Variants in BARD1 observed in about 807,000 individuals in gnomAD.
BARD1 encodes BRCA1-associated RING domain protein 1.
Under a neutral mutation model 77.0 loss-of-function variants are expected in BARD1, and 73 were observed. That is an observed-to-expected ratio of 0.95 (90% CI 0.79 to 1.15). The LOEUF (loss-of-function observed/expected upper bound fraction) is 1.15. BARD1 is among the 50% of genes most tolerant of loss of function. BARD1 has a pLI of 0.00. For synonymous variants in BARD1, 384 were observed against 338.0 expected (o/e 1.14, Z -1.49); for missense variants, 993 against 938.8 (o/e 1.06, Z -0.75).
intron 3 of BARD1, 125 bp downstream of exon 3, chr2:214,792,172 A>G: frequency 1.1e-6 from 1 of 942,484 alleles, no homozygotes; most frequent in Non-Finnish European, 1.5e-6. Flanking sequence ...AAAAAAACCT[A>G]CAGATTTTAA....
chr2:214,804,125 C>T (rs1421977540), intron 1 of BARD1, among the ~76,000 whole-genome samples: 1 of 152,184 alleles, frequency 6.6e-6, no homozygotes, highest in South Asian at 2.1e-4. Flanking sequence ...TGTGGACCAA[C>T]ATGTTGAACA....
Position 214,750,949 on chromosome 2 carries a change from T to C in BARD1, c.1677+1498A>G, listed in dbSNP as rs1266721012. Among the ~76,000 whole-genome samples the C allele has an allele frequency of 2.0e-5, 3 of 151,532 alleles. No homozygotes were observed. In the East Asian group the frequency reaches 5.8e-4, roughly 29 times the overall value. On this transcript the variant is annotated intron_variant, in intron 7 of 10. Coordinates refer to ENST00000260947, the MANE Select transcript of BARD1 (RefSeq NM_000465.4). ...CTATCCTGCATTGGGATTAATTCTA[T>C]ATAAAGTAATAAATTGTCTTCAAGC... is the stretch of plus-strand genomic sequence containing the variant.
At chr2:214,731,892 T>A (rs1692372547) in intron 9 of BARD1, among the ~76,000 whole-genome samples, 1 of 152,196 alleles carries the variant, frequency 6.6e-6, no homozygotes, top group African/African-American at 2.4e-5. Flanking sequence ...CAAAAGTTTT[T>A]AAAAATTCAC....
At chr2:214,752,650 T>C in intron 6 of BARD1, 95 bp from the exon 7 acceptor site, 1 of 901,000 alleles carries the variant, frequency 1.1e-6, no homozygotes, top group Non-Finnish European at 1.8e-6. Context: ...TTAACTAAAA[T>C]AAATTACTCA....
chr2:214,748,368 C>CA (rs1559389695), intron 7 of BARD1, among the ~76,000 whole-genome samples: 1 of 151,796 alleles, frequency 6.6e-6, no homozygotes, highest in African/African-American at 2.4e-5. Context: ...AAAAGAGGTA[C>CA]AAAAAACACC....
intron 4 of BARD1, among the ~76,000 whole-genome samples, chr2:214,775,472 T>C (rs999692664): frequency 1.3e-5 from 2 of 152,178 alleles, no homozygotes; most frequent in Non-Finnish European, 2.9e-5. Context: ...CCAAAGCAAT[T>C]ACAATAGTTA....
chr2:214,742,048 G>A (rs1431150231), intron 9 of BARD1, among the ~76,000 whole-genome samples: 2 of 152,274 alleles, frequency 1.3e-5, no homozygotes, highest in Non-Finnish European at 2.9e-5. Context: ...AAGTTAATAT[G>A]AAAGTTTCCT....
At position 214,809,490 on chromosome 2, in the gene BARD1, T is replaced by G. The variant is rs989352819; in HGVS notation, c.80A>C (p.Glu27Ala). The change falls in exon 1 of 11, where the codon GAA (glutamate) becomes GCA (alanine). Residue 27 changes from glutamate to alanine, a missense_variant. Transcript: ENST00000260947. ...GGCCCAGGCACCGCGACCATCCGGT[T>G]CCATGGCGGGCGCGGAACGAGGCTC... ...GNEPRSAPAMEPDGRGAWAHS... is the reference protein window; with the variant it reads ...GNEPRSAPAMAPDGRGAWAHS... 1 of 1,608,372 alleles carries G rather than the reference T, an allele frequency of 6.2e-7. No individual in the cohort carries two copies. The highest frequency in any genetic ancestry group is 8.5e-7 in the Non-Finnish European group (1 of 1,178,370).
chr2:214,752,883 T>C (rs1219639442), intron 6 of BARD1, among the ~76,000 whole-genome samples: 2 of 152,138 alleles, frequency 1.3e-5, no homozygotes, highest in African/African-American at 2.4e-5. Flanking sequence ...ATAAAAATCA[T>C]TTACTATAGC....
rs1692097941 is a variant in BARD1, at chr2:214,726,699, T to G, written c.*1977A>C. On this transcript the variant is annotated 3_prime_UTR_variant, in exon 11 of 11. Coordinates refer to ENST00000260947, the MANE Select transcript of BARD1 (RefSeq NM_000465.4). ...GAAGCTTGAATCTATGATTGAAAAA[T>G]AAAAAATAATTACATGTATATCTAC... The G allele has an allele frequency of 8.8e-6, 2 of 227,398 alleles. No individual in the cohort carries two copies. Among genetic ancestry groups the G allele is most frequent in the Non-Finnish European group, 1.7e-5 (2 of 115,162 alleles). The allele number at this position is 227,398 out of a possible 1,614,324, so 14.1% of individuals were successfully genotyped here.
chr2:214,774,202 T>C (rs77041238), intron 4 of BARD1, among the ~76,000 whole-genome samples: 4,476 of 152,280 alleles, frequency 0.029, 94 homozygotes, highest in South Asian at 0.077. Context: ...AAGTCATCCA[T>C]GAAAACTGTA....
Position 214,728,473 on chromosome 2 carries a change from C to T in BARD1, c.*203G>A, listed in dbSNP as rs1325717142. On this transcript the variant is annotated 3_prime_UTR_variant, in exon 11 of 11. Coordinates refer to ENST00000260947, the MANE Select transcript of BARD1 (RefSeq NM_000465.4). ...AACATGCCAATTTTAAAAAGAAAAACCTTTAAAAGCAATCCCAGCTTCTAA... is the reference window on the plus strand; with the variant it reads ...AACATGCCAATTTTAAAAAGAAAAATCTTTAAAAGCAATCCCAGCTTCTAA... 9 of 592,808 alleles carry T rather than the reference C, an allele frequency of 1.5e-5. No individual in the cohort carries two copies. The highest frequency in any genetic ancestry group is 2.0e-5 in the Non-Finnish European group (7 of 342,872). 36.7% of individuals were successfully genotyped at this position (592,808 alleles called of 1,614,324 possible).
At chr2:214,761,517 A>T (rs1036546045) in intron 6 of BARD1, among the ~76,000 whole-genome samples, 1 of 152,162 alleles carries the variant, frequency 6.6e-6, no homozygotes, top group Non-Finnish European at 1.5e-5. Context: ...TAATATTTTT[A>T]AATGTATTAA....
Position 214,725,811 on chromosome 2 carries a change from T to G in BARD1, c.*2865A>C, listed in dbSNP as rs1260421855. ...CAAGCATTAGTTCCTACCATTTTAA[T>G]GTGTTCAGGGTAGGAAACAGAATAG... On this transcript the variant is annotated 3_prime_UTR_variant, in exon 11 of 11. Transcript: ENST00000260947. The G allele has an allele frequency of 4.5e-6, 1 of 221,858 alleles. No homozygotes were observed. The highest frequency in any genetic ancestry group is 2.2e-5 in the African/African-American group (1 of 44,796). 13.7% of individuals were successfully genotyped at this position (221,858 alleles called of 1,614,324 possible). A position where few individuals can be genotyped will look rare whatever the true frequency, so the allele number is the denominator to read the frequency against.
At chr2:214,786,414 C>A (rs1695280571) in intron 3 of BARD1, among the ~76,000 whole-genome samples, 1 of 151,844 alleles carries the variant, frequency 6.6e-6, no homozygotes, top group South Asian at 2.1e-4. Flanking sequence ...TATTAATACA[C>A]CAGAAGATTG....
chr2:214,757,689 C>T (rs1028557601), intron 6 of BARD1, among the ~76,000 whole-genome samples: 10 of 152,208 alleles, frequency 6.6e-5, no homozygotes, highest in Admixed American at 1.3e-4. Flanking sequence ...AGTCATCATT[C>T]AGCAAATACT....
At chr2:214,796,813 C>T (rs1695773719) in intron 2 of BARD1, 1 of 483,982 alleles carries the variant, frequency 2.1e-6, no homozygotes, top group Non-Finnish European at 3.7e-6. Flanking sequence ...AATTTTTTTC[C>T]TCCAATTTGG....
At position 214,725,943 on chromosome 2, in the gene BARD1, G is replaced by A; in HGVS notation, c.*2733C>T. On this transcript the variant is annotated 3_prime_UTR_variant, in exon 11 of 11. Coordinates refer to ENST00000260947, the MANE Select transcript of BARD1 (RefSeq NM_000465.4). ...AGCTAATGTGGCCCCACTCTCACCTGTGAATCGTCTTATTCCCACAGGAAA... is the reference window on the plus strand; with the variant it reads ...AGCTAATGTGGCCCCACTCTCACCTATGAATCGTCTTATTCCCACAGGAAA... The A allele has an allele frequency of 4.5e-6, 1 of 224,522 alleles. No individual in the cohort carries two copies. Among genetic ancestry groups the A allele is most frequent in the Non-Finnish European group, 8.9e-6 (1 of 112,848 alleles). 13.9% of individuals were successfully genotyped at this position (224,522 alleles called of 1,614,324 possible).
intron 1 of BARD1, among the ~76,000 whole-genome samples, chr2:214,798,018 C>T (rs906371770): frequency 3.3e-5 from 5 of 152,018 alleles, no homozygotes; most frequent in Non-Finnish European, 7.4e-5. Context: ...AAATGATGAG[C>T]ACTTTTTCTG....
Sources: gnomAD v4.1 joint callset for allele counts (sites outside exome capture counted in the v4.1 genomes callset) on GRCh38, gnomAD v4.1.1 for gene constraint, MANE v1.5 for transcripts, NCBI Gene and HGNC (gene_info 2026-07-23, HGNC 2026-07-21) for gene names.